Variants in PCDHGA6 observed in about 807,000 individuals in gnomAD.
The protein encoded by PCDHGA6 is protocadherin gamma-A6.
A neutral mutation model predicts 60.6 loss-of-function variants in PCDHGA6; 41 were observed. That is an observed-to-expected ratio of 0.68 (90% CI 0.53 to 0.88). PCDHGA6 has a LOEUF of 0.88. Among genes scored for constraint, PCDHGA6 ranks in the 40% least tolerant of loss-of-function variants. The pLI is 0.00. For missense variants in PCDHGA6, 1,312 were observed against 1,203.0 expected (o/e 1.09, Z -1.34); for synonymous variants, 594 against 524.4 (o/e 1.13, Z -1.81).
intron 1 of PCDHGA6, chr5:141,404,668 T>C: frequency 6.2e-7 from 1 of 1,614,148 alleles, no homozygotes; most frequent in Non-Finnish European, 8.5e-7. Flanking sequence ...CTGATGGTTC[T>C]ACTGGTGTGG....
In PCDHGA6 at chr5:141,376,150, C is replaced by T. The variant is rs1411473107; in HGVS notation, c.2067C>T (p.Leu689=). Residue 689 remains leucine, a synonymous_variant, in exon 1 of 4, where the codon CTC becomes CTT. Transcript: ENST00000517434. ...CCGCCAAACCCAACGATTCGGACCT[C>T]ACTCTGTACCTGGTGGTGGCGGTGG... ...EPSAKPNDSD[L]TLYLVVAVAA... is the part of the protein sequence containing the mutation. The T allele has an allele frequency of 1.6e-5, 26 of 1,613,928 alleles. No individual in the cohort carries two copies. Among genetic ancestry groups the T allele is most frequent in the Non-Finnish European group, 2.2e-5 (26 of 1,179,994 alleles).
At chr5:141,500,877 A>ATT (rs369345007) in intron 2 of PCDHGA6, among the ~76,000 whole-genome samples, 3 of 122,284 alleles carry the variant, frequency 2.5e-5, no homozygotes, top group Admixed American at 2.4e-4. Flanking sequence ...TTCATTTACA[A>ATT]TTTTTTTTTT....
intron 3 of PCDHGA6, chr5:141,508,179 AG>A (rs1250335236): frequency 1.3e-5 from 2 of 152,326 alleles, no homozygotes; most frequent in Non-Finnish European, 2.9e-5. Flanking sequence ...ACAGGAGAGA[AG>A]GCATCACCCC....
intron 1 of PCDHGA6, chr5:141,384,877 C>T (rs2150276041): frequency 6.2e-7 from 1 of 1,613,844 alleles, no homozygotes; most frequent in African/African-American, 1.3e-5. Context: ...CACCGTCACA[C>T]TCACCGTGGC....
At chr5:141,386,548 G>T (rs1264128780) in intron 1 of PCDHGA6, among the ~76,000 whole-genome samples, 1 of 151,902 alleles carries the variant, frequency 6.6e-6, no homozygotes, top group Non-Finnish European at 1.5e-5. Context: ...GTTGTATTTG[G>T]TAGTATTTTG....
intron 1 of PCDHGA6, among the ~76,000 whole-genome samples, chr5:141,407,707 G>C (rs894295431): frequency 1.3e-5 from 2 of 151,964 alleles, no homozygotes; most frequent in South Asian, 4.1e-4. Flanking sequence ...TTGAAGGTGG[G>C]GTGATGGCTA....
chr5:141,385,041 C>T, intron 1 of PCDHGA6: 1 of 1,614,174 alleles, frequency 6.2e-7, no homozygotes, highest in Non-Finnish European at 8.5e-7. Flanking sequence ...TGCTGGCGCT[C>T]AGGCTGCGGC....
Position 141,376,399 on chromosome 5 carries a change from G to C in PCDHGA6, c.2316G>C (p.Gln772His), listed in dbSNP as rs764497807. 6.2e-7 allele frequency: 1 copy of C among 1,614,182 alleles called. No individual in the cohort carries two copies. Among genetic ancestry groups the C allele is most frequent in the South Asian group, 1.1e-5 (1 of 91,080 alleles). Residue 772 changes from glutamine to histidine, a missense_variant, in exon 1 of 4, where the codon CAG becomes CAC. Transcript: ENST00000517434. ...GTAAGAGTCATCTGATTTTCCCCCAGCCCAACTATGCCGACACGCTTATCA... is the reference window on the plus strand; with the variant it reads ...GTAAGAGTCATCTGATTTTCCCCCACCCCAACTATGCCGACACGCTTATCA... ...DSRKSHLIFPQPNYADTLINQ... is the reference protein window; with the variant it reads ...DSRKSHLIFPHPNYADTLINQ...
rs1554116833 is a variant in PCDHGA6, at chr5:141,423,756, G to GGT, written c.2424+47250_2424+47251insTG. 2.2e-4 allele frequency: 100 copies of GGT among 448,536 alleles called. 2 individuals carry two copies. The highest frequency in any genetic ancestry group is 2.1e-3 in the African/African-American group (74 of 35,668). The allele number at this position is 448,536 out of a possible 1,614,324, so 27.8% of individuals were successfully genotyped here. On this transcript the variant is annotated intron_variant, in intron 1 of 3. Coordinates refer to ENST00000517434, the MANE Select transcript of PCDHGA6 (RefSeq NM_018919.3). ...GCCTGTTATGAAAACTGTTTGGGGG[G>GGT]GGGGTGGGGCGGCATATATTTAGTT...
chr5:141,381,197 G>A (rs775518407), intron 1 of PCDHGA6, among the ~76,000 whole-genome samples: 1 of 152,232 alleles, frequency 6.6e-6, no homozygotes, highest in African/African-American at 2.4e-5. Context: ...CTTTCTTAGT[G>A]TTAGTTCTGG....
At chr5:141,443,467 C>T (rs2098389901) in intron 1 of PCDHGA6, among the ~76,000 whole-genome samples, 2 of 152,156 alleles carry the variant, frequency 1.3e-5, no homozygotes, top group African/African-American at 4.8e-5. Context: ...GTCTGGGTGA[C>T]AGAATTAGAC....
intron 1 of PCDHGA6, among the ~76,000 whole-genome samples, chr5:141,386,678 G>A (rs1376452903): frequency 6.6e-6 from 1 of 152,012 alleles, no homozygotes; most frequent in African/African-American, 2.4e-5. Flanking sequence ...CATTTCAGAT[G>A]TACAATCACT....
intron 1 of PCDHGA6, chr5:141,419,434 G>A (rs372006900): frequency 2.5e-5 from 41 of 1,613,112 alleles, no homozygotes; most frequent in Non-Finnish European, 3.3e-5. Flanking sequence ...ACGAGCAGCT[G>A]CGCACCTTCG....
chr5:141,433,408 A>ATCTATCT (rs1413347413), intron 1 of PCDHGA6, among the ~76,000 whole-genome samples: 44 of 127,346 alleles, frequency 3.5e-4, no homozygotes, highest in African/African-American at 1.2e-3. Context: ...TCTATCTATT[A>ATCTATCT]CTTTCTTGTA....
chr5:141,380,795 A>C (rs1776743298), intron 1 of PCDHGA6, among the ~76,000 whole-genome samples: 1 of 152,246 alleles, frequency 6.6e-6, no homozygotes, highest in African/African-American at 2.4e-5. Context: ...GTAGAATAAG[A>C]AACAAATGTG....
chr5:141,409,720 A>C (rs2095305667), intron 1 of PCDHGA6: 1 of 1,613,176 alleles, frequency 6.2e-7, no homozygotes, highest in Non-Finnish European at 8.5e-7. Context: ...CATACGTGTC[A>C]GTGAGCGCGC....
chr5:141,401,516 T>G (rs375937507), intron 1 of PCDHGA6, among the ~76,000 whole-genome samples: 3 of 152,320 alleles, frequency 2.0e-5, no homozygotes, highest in South Asian at 2.1e-4. Context: ...CTCTATATAA[T>G]TACCAGAAGA....
At chr5:141,381,947 A>G (rs957045552) in intron 1 of PCDHGA6, among the ~76,000 whole-genome samples, 2 of 146,392 alleles carry the variant, frequency 1.4e-5, no homozygotes, top group Non-Finnish European at 3.0e-5. Flanking sequence ...TTCCTGCCTC[A>G]GCCTCCTGAG....
At chr5:141,475,762 G>A (rs4151701) in intron 1 of PCDHGA6, among the ~76,000 whole-genome samples, 9,255 of 152,346 alleles carry the variant, frequency 0.061, 562 homozygotes, top group African/African-American at 0.16. Context: ...CACCGATACT[G>A]GCAAGGCGCT....
Sources: gnomAD v4.1 joint callset for allele counts (sites outside exome capture counted in the v4.1 genomes callset) on GRCh38, gnomAD v4.1.1 for gene constraint, MANE v1.5 for transcripts, NCBI Gene and HGNC (gene_info 2026-07-23, HGNC 2026-07-21) for gene names.